Variants in TMCC2 observed in about 807,000 individuals in gnomAD.
TMCC2 encodes transmembrane and coiled-coil domains protein 2.
In TMCC2, 16 loss-of-function variants were observed where a neutral mutation model predicts 49.4. The observed-to-expected ratio is 0.32, with a 90% confidence interval of 0.22 to 0.49. TMCC2 has a LOEUF of 0.49. Among genes scored for constraint, TMCC2 ranks in the 20% least tolerant of loss-of-function variants. TMCC2 has a pLI of 0.99. For synonymous variants in TMCC2, 397 were observed against 434.1 expected (o/e 0.91, Z 1.06); for missense variants, 762 against 989.8 (o/e 0.77, Z 3.09).
intron 4 of TMCC2, 79 bp downstream of exon 4, chr1:205,271,334 C>T (rs769776480): frequency 1.4e-5 from 22 of 1,608,296 alleles, no homozygotes; most frequent in African/African-American, 1.2e-4. Context: ...GTTCTTGTCA[C>T]GTGGGGCATG....
intron 2 of TMCC2, among the ~76,000 whole-genome samples, chr1:205,263,468 A>G (rs1217195806): frequency 6.6e-6 from 1 of 152,094 alleles, no homozygotes; most frequent in Admixed American, 6.5e-5. Context: ...AGGCAAGAGG[A>G]TTGCTTAAGC....
At position 205,228,446 on chromosome 1, in the gene TMCC2, A is replaced by G. The variant is rs1659655828; in HGVS notation, c.-119A>G. The G allele has an allele frequency of 2.5e-6, 2 of 813,756 alleles. No individual in the cohort carries two copies. Among genetic ancestry groups the G allele is most frequent in the Non-Finnish European group, 3.7e-6 (2 of 538,822 alleles). 50.4% of individuals were successfully genotyped at this position (813,756 alleles called of 1,614,324 possible). ...TTAATTCAAGAAATTGTGGTCTGCC[A>G]TCTCCCCTCCTTGTTAATAATTTAG... On this transcript the variant is annotated 5_prime_UTR_variant, in exon 1 of 5. Coordinates refer to ENST00000358024, the MANE Select transcript of TMCC2 (RefSeq NM_014858.4).
At chr1:205,251,285 TG>T (rs1660660161) in intron 2 of TMCC2, among the ~76,000 whole-genome samples, 5 of 152,208 alleles carry the variant, frequency 3.3e-5, no homozygotes, top group Non-Finnish European at 7.4e-5. Context: ...CTCCCTTCTC[TG>T]TCCAGGGACA....
At chr1:205,251,587 G>A (rs990858888) in intron 2 of TMCC2, among the ~76,000 whole-genome samples, 1 of 152,242 alleles carries the variant, frequency 6.6e-6, no homozygotes, top group Non-Finnish European at 1.5e-5. Flanking sequence ...CTGGAAAGGC[G>A]AATCCTGCCC....
At chr1:205,260,332 C>T (rs1392080050) in intron 2 of TMCC2, among the ~76,000 whole-genome samples, 2 of 152,220 alleles carry the variant, frequency 1.3e-5, no homozygotes, top group Non-Finnish European at 2.9e-5. Context: ...TCCTGTGTAG[C>T]CCACCTGTGC....
intron 1 of TMCC2, among the ~76,000 whole-genome samples, chr1:205,235,279 G>A (rs1005759169): frequency 6.6e-6 from 1 of 151,910 alleles, no homozygotes; most frequent in African/African-American, 2.4e-5. Context: ...TGTGGCAAAC[G>A]AAACTCCCTG....
At chr1:205,239,978 A>G (rs1390817321) in intron 1 of TMCC2, among the ~76,000 whole-genome samples, 1 of 152,176 alleles carries the variant, frequency 6.6e-6, no homozygotes, top group African/African-American at 2.4e-5. Context: ...TAGGGAAAAA[A>G]AAAAAGAAAA....
chr1:205,235,095 G>T (rs1165141297), intron 1 of TMCC2, among the ~76,000 whole-genome samples: 2 of 152,182 alleles, frequency 1.3e-5, no homozygotes, highest in Non-Finnish European at 2.9e-5. Flanking sequence ...CAGGAACAAT[G>T]GAGGGTAGTG....
chr1:205,271,810 C>T lies in TMCC2; in HGVS notation c.1819-3C>T, dbSNP rs1300829651. 6 of 1,607,850 alleles carry T rather than the reference C, an allele frequency of 3.7e-6. No homozygotes were observed. The highest frequency in any genetic ancestry group is 5.1e-6 in the Non-Finnish European group (6 of 1,179,024). ...ACACATGCCAGCCCCTCTGCCCCTGCAGGAGGCCGTGGAGTCCTGCCTGAC... is the reference window on the plus strand; with the variant it reads ...ACACATGCCAGCCCCTCTGCCCCTGTAGGAGGCCGTGGAGTCCTGCCTGAC... On this transcript the variant is annotated splice_region_variant and splice_polypyrimidine_tract_variant and intron_variant, in intron 4 of 4. Coordinates refer to ENST00000358024, the MANE Select transcript of TMCC2 (RefSeq NM_014858.4).
At chr1:205,271,723 T>C in intron 4 of TMCC2, 90 bp from the exon 5 acceptor site, 2 of 1,500,082 alleles carry the variant, frequency 1.3e-6, no homozygotes, top group Non-Finnish European at 1.8e-6. Context: ...GACTTCGTTA[T>C]AGGCACCTTC....
At chr1:205,230,593 A>G (rs1450388585) in intron 1 of TMCC2, among the ~76,000 whole-genome samples, 1 of 152,190 alleles carries the variant, frequency 6.6e-6, no homozygotes, top group Non-Finnish European at 1.5e-5. Context: ...GAGTCTGGCC[A>G]GCAAACCCTG....
Position 205,271,882 on chromosome 1 carries a change from C to T in TMCC2, c.1888C>T (p.Gln630Ter). The T allele has an allele frequency of 6.2e-7, 1 of 1,614,070 alleles. No individual in the cohort carries two copies. The highest frequency in any genetic ancestry group is 1.1e-5 in the South Asian group (1 of 91,088). Residue 630 changes from glutamine to a stop codon, truncating the protein, a stop_gained, in exon 5 of 5, where the codon CAG (glutamine) becomes TAG (stop). Transcript: ENST00000358024. LOFTEE classifies it high-confidence loss of function. ...ELQQQQQQVV[Q>*]LEGVENANAR... ...GCAGCAGCAACAGCAGCAGGTGGTA[C>T]AGCTGGAGGGCGTGGAGAATGCCAA...
chr1:205,263,376 T>C (rs1558655345), intron 2 of TMCC2, among the ~76,000 whole-genome samples: 1 of 152,170 alleles, frequency 6.6e-6, no homozygotes, highest in Non-Finnish European at 1.5e-5. Context: ...TCTTTTTCCT[T>C]GCTCTCTCAG....
chr1:205,229,574 G>T (rs945770038), intron 1 of TMCC2: 16 of 928,496 alleles, frequency 1.7e-5, no homozygotes, highest in Admixed American at 1.3e-4. Flanking sequence ...GCGGGGGCGG[G>T]GGGGGAAGGT....
At chr1:205,231,955 T>A (rs1032596875) in intron 1 of TMCC2, among the ~76,000 whole-genome samples, 5 of 152,086 alleles carry the variant, frequency 3.3e-5, no homozygotes, top group Non-Finnish European at 5.9e-5. Context: ...ATAATAATAA[T>A]AATAAAGGAC....
intron 2 of TMCC2, among the ~76,000 whole-genome samples, chr1:205,267,451 A>T (rs74139133): frequency 6.6e-6 from 1 of 151,704 alleles, no homozygotes; most frequent in African/African-American, 2.4e-5. Context: ...TCCCATACAT[A>T]CTAAGGGCAA....
In TMCC2 at chr1:205,228,576, C is replaced by T. The variant is rs774927345; in HGVS notation, c.12C>T (p.Cys4=). The change falls in exon 1 of 5, where the codon TGC becomes TGT. Residue 4 remains cysteine, a synonymous_variant. Coordinates refer to ENST00000358024, the MANE Select transcript of TMCC2 (RefSeq NM_014858.4). ...GACCCACATACACCATGAAGAGGTG[C>T]AGATCGGACGAGCTGCAGCAACAAC... is the stretch of plus-strand genomic sequence containing the variant. MKR[C]RSDELQQQQG... is the part of the protein sequence containing the mutation. 3 of 1,609,798 alleles carry T rather than the reference C, an allele frequency of 1.9e-6. No individual in the cohort carries two copies.
rs772774237 is a variant in TMCC2, at chr1:205,264,553, C to T, written c.748-4397C>T. The stretch of plus-strand genomic sequence containing the variant: ...AGGCTGCAGTGCAGTGGCGTGATCT[C>T]GGTTCACTGCAAGCTCCGCCTCCCA... On this transcript the variant is annotated intron_variant, in intron 2 of 4. Transcript: ENST00000358024. The surrounding 1 kb of genome is among the most constrained non-coding windows in gnomAD (Gnocchi z 4.2). 1.1e-4 allele frequency among the ~76,000 whole-genome samples: 16 copies of T among 151,612 alleles called. No individual in the cohort carries two copies. The highest frequency in any genetic ancestry group is 1.8e-4 in the Non-Finnish European group (12 of 67,922).
rs573854678 is a variant in TMCC2 at position 205,272,847 on chromosome 1, C to G, written c.*723C>G. On this transcript the variant is annotated 3_prime_UTR_variant, in exon 5 of 5. Coordinates refer to ENST00000358024, the MANE Select transcript of TMCC2 (RefSeq NM_014858.4). The stretch of plus-strand genomic sequence containing the variant: ...CCCCAGGGCCCCCCTGAGCCTCACC[C>G]TAAGCCCTTAGGCCTCTGAGAGTGC... 1.3e-5 allele frequency: 2 copies of G among 152,838 alleles called. No homozygotes were observed. Among genetic ancestry groups the G allele is most frequent in the African/African-American group, 2.4e-5 (1 of 41,470 alleles). The allele number at this position is 152,838 out of a possible 1,614,324, so 9.5% of individuals were successfully genotyped here. A position where few individuals can be genotyped will look rare whatever the true frequency, so the allele number is the denominator to read the frequency against.
Sources: allele counts gnomAD v4.1 joint callset (sites outside exome capture counted in the v4.1 genomes callset), GRCh38; gene constraint gnomAD v4.1.1; non-coding constraint Gnocchi (gnomAD v3.1); transcripts MANE v1.5; gene names NCBI Gene and HGNC (gene_info 2026-07-23, HGNC 2026-07-21).